The following CCDC88C variants were observed in gnomAD, a reference collection of about 807,000 sequenced individuals.
The protein encoded by CCDC88C is protein Daple.
A neutral mutation model predicts 198.8 loss-of-function variants in CCDC88C; 131 were observed. The ratio of observed to expected loss-of-function variants is 0.66; its 90% CI spans 0.57 to 0.76. CCDC88C has a LOEUF of 0.76. CCDC88C is among the 30% of genes least tolerant of loss of function. The pLI is 0.00. For missense variants in CCDC88C, 2,553 were observed against 2,631.6 expected, an observed-to-expected ratio of 0.97 and a Z score of 0.65; for synonymous variants, 1,166 against 1,114.7, an observed-to-expected ratio of 1.05 and a Z score of -0.92.
intron 3 of CCDC88C, among the ~76,000 whole-genome samples, chr14:91,407,074 A>G (rs935514865): frequency 1.5e-4 from 22 of 151,532 alleles, no homozygotes; most frequent in African/African-American, 5.3e-4. Context: ...ACACAGGCAA[A>G]CTACGCCAGC....
chr14:91,323,330 G>C (rs58234956), intron 12 of CCDC88C, among the ~76,000 whole-genome samples: 9,398 of 152,248 alleles, frequency 0.062, 321 homozygotes, highest in African/African-American at 0.083. Flanking sequence ...CAGAGCCGGG[G>C]TTCCTGCTTC....
chr14:91,273,170 G>T lies in CCDC88C; in HGVS notation c.5542C>A (p.Pro1848Thr). The T allele has an allele frequency of 6.3e-7, 1 of 1,579,728 alleles. No individual in the cohort carries two copies. The highest frequency in any genetic ancestry group is 2.3e-5 in the East Asian group (1 of 43,112). Residue 1848 changes from proline to threonine, a missense_variant, in exon 30 of 30, where the codon CCC becomes ACC. By Grantham distance (38) the Pro-to-Thr change is conservative. Coordinates refer to ENST00000389857, the MANE Select transcript of CCDC88C (RefSeq NM_001080414.4). This position sits in a 1 kb window ranked among gnomAD's most constrained non-coding sequence, Gnocchi z 5.6. Reference sequence around the variant, plus strand: ...AGGCTATGGGAGCTGGGGGGTGCGGGGCTTTGCAGGGTGTGGCTGCCTGTC... The same window carrying T: ...AGGCTATGGGAGCTGGGGGGTGCGGTGCTTTGCAGGGTGTGGCTGCCTGTC... ...RETGSHTLQSPAPPSSHSLAR... is the reference protein window; with the variant it reads ...RETGSHTLQSTAPPSSHSLAR...
chr14:91,318,017 A>G (rs1892181908), intron 13 of CCDC88C, among the ~76,000 whole-genome samples: 1 of 152,276 alleles, frequency 6.6e-6, no homozygotes, highest in African/African-American at 2.4e-5. Context: ...GAGGACCTGC[A>G]GAGCTGGAGG....
intron 4 of CCDC88C, among the ~76,000 whole-genome samples, chr14:91,345,151 T>C (rs1471653603): frequency 2.8e-5 from 4 of 144,696 alleles, no homozygotes; most frequent in Non-Finnish European, 6.0e-5. Flanking sequence ...CCAATACCCC[T>C]TCCAGAGGTT....
rs745717661 is a variant in CCDC88C, at chr14:91,284,272, G to A, written c.4442-755C>T. Among the ~76,000 whole-genome samples, 3 of 152,154 alleles carry A rather than the reference G, an allele frequency of 2.0e-5. No homozygotes were observed. Among genetic ancestry groups the A allele is most frequent in the Non-Finnish European group, 2.9e-5 (2 of 68,030 alleles). On this transcript the variant is annotated intron_variant, in intron 25 of 29. Coordinates refer to ENST00000389857, the MANE Select transcript of CCDC88C (RefSeq NM_001080414.4). The surrounding 1 kb of genome is among the most constrained non-coding windows in gnomAD (Gnocchi z 4.1). ...AGCACTTTGCAGAGCGTCCCACTCC[G>A]TGTGCAGAGCCAGGACTCACTGTTG... is the stretch of plus-strand genomic sequence containing the variant.
In CCDC88C at chr14:91,376,943, G is replaced by C. The variant is rs1013572223; in HGVS notation, c.271-17232C>G. On this transcript the variant is annotated intron_variant, in intron 3 of 29. Transcript: ENST00000389857. ...CAGGACATCGTGAAGAACTGCTCCG[G>C]GTGGGCAGACCAGCCACTCCACACC... Among the ~76,000 whole-genome samples the C allele has an allele frequency of 2.0e-5, 3 of 152,204 alleles. No individual in the cohort carries two copies. In the East Asian group the frequency reaches 5.8e-4, roughly 29 times the overall value.
rs762896355 is a variant in CCDC88C, at chr14:91,281,459, T to C, written c.4697A>G (p.Tyr1566Cys). The C allele has an allele frequency of 2.5e-6, 4 of 1,613,738 alleles. No homozygotes were observed. In the East Asian group the frequency reaches 8.9e-5, roughly 36 times the overall value. ...GACACAGCACCCTCCCTACTCACCG[T>C]ACTGCCTGTGGTTGGGGACCTCAAA... ...LEFEVPNHRQ[Y>C]VSRPSSLESS... The change falls in exon 27 of 30, where the codon TAC (tyrosine) becomes TGC (cysteine). Residue 1566 changes from tyrosine to cysteine, a missense_variant and splice_region_variant. Physicochemically the swap from Tyr to Cys is radical, Grantham distance 194 (BLOSUM62 -2). Coordinates refer to ENST00000389857, the MANE Select transcript of CCDC88C (RefSeq NM_001080414.4).
Position 91,300,014 on chromosome 14 carries a change from G to C in CCDC88C, c.3692C>G (p.Thr1231Ser), listed in dbSNP as rs776261045. The C allele has an allele frequency of 1.2e-6, 2 of 1,603,986 alleles. No homozygotes were observed. The highest frequency in any genetic ancestry group is 1.1e-5 in the South Asian group (1 of 88,994). The change falls in exon 21 of 30, where the codon ACC becomes AGC. Residue 1231 changes from threonine (T) to serine (S), a missense_variant. Around this residue, in one of 2 missense-constraint regions of CCDC88C, gnomAD observed 1,293 missense variants for 1,219.6 expected, o/e 1.06. Coordinates refer to ENST00000389857, the MANE Select transcript of CCDC88C (RefSeq NM_001080414.4). ...AELEEREKVLTTEREALQQEQ... is the reference protein window; with the variant it reads ...AELEEREKVLSTEREALQQEQ... ...CTGCTGCAGCGCCTCTCGCTCAGTG[G>C]TCAAGACCTTCTCCCGCTCCTCCAG...
At chr14:91,328,401 G>A (rs1277177481) in intron 10 of CCDC88C, among the ~76,000 whole-genome samples, 2 of 152,184 alleles carry the variant, frequency 1.3e-5, no homozygotes, top group Admixed American at 6.5e-5. Context: ...GGCACCTGGC[G>A]AGGAGGAGTG....
At chr14:91,303,197 C>T (rs1021241778) in intron 20 of CCDC88C, among the ~76,000 whole-genome samples, 10 of 151,892 alleles carry the variant, frequency 6.6e-5, no homozygotes, top group African/African-American at 2.2e-4. Context: ...ACCCAGGGGC[C>T]CCACCTCCAC....
Position 91,305,755 on chromosome 14 carries a change from C to G in CCDC88C, c.3357+10G>C. The G allele has an allele frequency of 6.3e-7, 1 of 1,594,056 alleles. No individual in the cohort carries two copies. Among genetic ancestry groups the G allele is most frequent in the Non-Finnish European group, 8.6e-7 (1 of 1,163,638 alleles). On this transcript the variant is annotated intron_variant, in intron 19 of 29. Coordinates refer to ENST00000389857, the MANE Select transcript of CCDC88C (RefSeq NM_001080414.4). ...GGCTTGTGACCACTGGTGTTGGGAGCCCCGCTCACCTGCAGCTTGGCGGTC... is the reference window on the plus strand; with the variant it reads ...GGCTTGTGACCACTGGTGTTGGGAGGCCCGCTCACCTGCAGCTTGGCGGTC...
At chr14:91,301,269 T>C (rs1891267873) in intron 20 of CCDC88C, among the ~76,000 whole-genome samples, 1 of 152,228 alleles carries the variant, frequency 6.6e-6, no homozygotes, top group African/African-American at 2.4e-5. Context: ...CCTGTAGCCC[T>C]GCTGCAGACA....
chr14:91,276,973 A>G (rs1312574864), intron 29 of CCDC88C, among the ~76,000 whole-genome samples: 2 of 151,234 alleles, frequency 1.3e-5, no homozygotes, highest in African/African-American at 4.9e-5. Context: ...TTTTATTTTT[A>G]TTTTATTTTT....
rs549028399 is a variant in CCDC88C at position 91,360,009 on chromosome 14, T to C, written c.271-298A>G. Among the ~76,000 whole-genome samples, 3 of 152,346 alleles carry C rather than the reference T, an allele frequency of 2.0e-5. No homozygotes were observed. In the East Asian group the frequency reaches 5.8e-4, roughly 29 times the overall value. On this transcript the variant is annotated intron_variant, in intron 3 of 29. Coordinates refer to ENST00000389857, the MANE Select transcript of CCDC88C (RefSeq NM_001080414.4). ...AAATAAAATGAAAGCTAAAGTTATG[T>C]CTGCATAGGTAGAGAGGTCTTGGAA...
intron 4 of CCDC88C, among the ~76,000 whole-genome samples, chr14:91,354,597 T>C (rs548717280): frequency 1.3e-5 from 2 of 152,164 alleles, no homozygotes; most frequent in Non-Finnish European, 2.9e-5. Flanking sequence ...CCCTGACCAC[T>C]GACAACTGGC....
At chr14:91,281,310 T>A in intron 27 of CCDC88C, 147 bp downstream of exon 27, 1 of 1,529,254 alleles carries the variant, frequency 6.5e-7, no homozygotes, top group Non-Finnish European at 8.8e-7. Context: ...CTCAGCCCCC[T>A]GGGGAGGGGA....
At chr14:91,353,792 C>T (rs1567094338) in intron 4 of CCDC88C, among the ~76,000 whole-genome samples, 1 of 152,232 alleles carries the variant, frequency 6.6e-6, no homozygotes. Context: ...GGCCAGGCCG[C>T]TGAACGGCAA....
chr14:91,417,600 A>T (rs1410796559), intron 1 of CCDC88C, 31 bp downstream of exon 1: 3 of 1,572,920 alleles, frequency 1.9e-6, no homozygotes, highest in Non-Finnish European at 2.6e-6. Context: ...CCGGTGCACC[A>T]ACAAAGGGGC....
chr14:91,320,805 T>C (rs1453515036), intron 13 of CCDC88C, among the ~76,000 whole-genome samples: 1 of 152,134 alleles, frequency 6.6e-6, no homozygotes, highest in Admixed American at 6.5e-5. Flanking sequence ...CGAGGGAGTT[T>C]TCTTTTTACA....
Sources: gnomAD v4.1 joint callset for allele counts (sites outside exome capture counted in the v4.1 genomes callset) on GRCh38, gnomAD v4.1.1 for gene constraint, gnomAD v4.1.1 regional missense constraint, Gnocchi (gnomAD v3.1) non-coding constraint, MANE v1.5 for transcripts, NCBI Gene and HGNC (gene_info 2026-07-23, HGNC 2026-07-21) for gene names.